L3MBTL4: variants seen among roughly 807,000 people sequenced by gnomAD.
L3MBTL4 encodes L3MBTL histone methyl-lysine binding protein 4, also known as lethal(3)malignant brain tumor-like protein 4.
Under a neutral mutation model 84.5 loss-of-function variants are expected in L3MBTL4, and 70 were observed. That is an observed-to-expected ratio of 0.83 (90% confidence interval 0.68 to 1.01). The LOEUF is 1.01. Among genes scored for constraint, L3MBTL4 ranks in the 50% least tolerant of loss-of-function variants. L3MBTL4 has a pLI of 0.00. For synonymous variants in L3MBTL4, 274 were observed against 259.8 expected (o/e 1.05, Z -0.52); for missense variants, 715 against 754.8 (o/e 0.95, Z 0.62).
At chr18:6,258,548 A>G (rs2048256816) in intron 5 of L3MBTL4, 1 of 152,346 alleles carries the variant, frequency 6.6e-6, no homozygotes, top group Non-Finnish European at 1.5e-5. Context: ...CAACAAAGGA[A>G]CTACAAGTCT....
chr18:6,312,890 A>C lies in L3MBTL4; in HGVS notation c.-90-834T>G, dbSNP rs570259161. Reference sequence around the variant, plus strand: ...AAAGCAAGGTTCCTGCTGCTTCTCCACTCCATACTTCTGCTGGTCCCTCAA... The same window carrying C: ...AAAGCAAGGTTCCTGCTGCTTCTCCCCTCCATACTTCTGCTGGTCCCTCAA... On this transcript the variant is annotated intron_variant, in intron 1 of 18. Coordinates refer to ENST00000317931, the MANE Select transcript of L3MBTL4 (RefSeq NM_001330559.2). 5.3e-5 allele frequency among the ~76,000 whole-genome samples: 8 copies of C among 151,888 alleles called. No individual in the cohort carries two copies. In the South Asian group the frequency reaches 1.7e-3, roughly 32 times the overall value.
intron 4 of L3MBTL4, among the ~76,000 whole-genome samples, chr18:6,287,975 C>T (rs2049675777): frequency 6.6e-6 from 1 of 152,134 alleles, no homozygotes; most frequent in Non-Finnish European, 1.5e-5. Flanking sequence ...CCCAGAAGGT[C>T]AAGGCTACAG....
chr18:6,070,134 A>C (rs929011393), intron 16 of L3MBTL4, among the ~76,000 whole-genome samples: 1 of 152,212 alleles, frequency 6.6e-6, no homozygotes, highest in Non-Finnish European at 1.5e-5. Flanking sequence ...ATGGAGCATA[A>C]ACAATATTTG....
intron 1 of L3MBTL4, among the ~76,000 whole-genome samples, chr18:6,328,925 T>C (rs2051868633): frequency 6.6e-6 from 1 of 152,154 alleles, no homozygotes; most frequent in African/African-American, 2.4e-5. Context: ...ATATATTATT[T>C]TTAAAAATTG....
intron 4 of L3MBTL4, among the ~76,000 whole-genome samples, chr18:6,293,937 A>G (rs74449414): frequency 7.0e-4 from 106 of 152,306 alleles, no homozygotes; most frequent in Middle Eastern, 3.4e-3. Flanking sequence ...AATGTGACAT[A>G]TGATTCTGAG....
At chr18:6,295,904 A>G (rs1815414257) in intron 4 of L3MBTL4, among the ~76,000 whole-genome samples, 1 of 152,186 alleles carries the variant, frequency 6.6e-6, no homozygotes, top group East Asian at 1.9e-4. Flanking sequence ...TGAACGGTTC[A>G]GCCTAAATAT....
chr18:6,094,412 C>A (rs187405376), intron 14 of L3MBTL4, among the ~76,000 whole-genome samples: 2 of 152,270 alleles, frequency 1.3e-5, no homozygotes, highest in Admixed American at 6.5e-5. Flanking sequence ...CAAAGGAGAT[C>A]CAACTCATAA....
intron 15 of L3MBTL4, among the ~76,000 whole-genome samples, chr18:6,091,724 T>C (rs1156308910): frequency 6.6e-6 from 1 of 151,748 alleles, no homozygotes; most frequent in Non-Finnish European, 1.5e-5. Context: ...AGAGCAATCA[T>C]TTTTTTTAAG....
chr18:6,072,881 A>AATAT (rs71163258), intron 16 of L3MBTL4, among the ~76,000 whole-genome samples: 27 of 20,426 alleles, frequency 1.3e-3, no homozygotes, highest in Non-Finnish European at 2.1e-3. Context: ...AAAAAAAAAA[A>AATAT]ATATATATAT....
chr18:5,988,862 G>C (rs191959437), intron 16 of L3MBTL4, among the ~76,000 whole-genome samples: 87 of 152,276 alleles, frequency 5.7e-4, no homozygotes, highest in African/African-American at 1.9e-3. Context: ...CCTGTCACCA[G>C]GGTTGAGACA....
intron 9 of L3MBTL4, among the ~76,000 whole-genome samples, chr18:6,239,440 C>G (rs1377394211): frequency 1.3e-5 from 2 of 149,716 alleles, no homozygotes; most frequent in African/African-American, 4.9e-5. Flanking sequence ...CACAGAAATG[C>G]TGTCCTCACA....
At chr18:6,304,021 A>C (rs577486526) in intron 3 of L3MBTL4, among the ~76,000 whole-genome samples, 59 of 143,964 alleles carry the variant, frequency 4.1e-4, no homozygotes, top group Non-Finnish European at 7.7e-5. Flanking sequence ...TCTCAAAAAA[A>C]AAAAAAAACA....
rs2049281809 is a variant in L3MBTL4 at position 6,280,642 on chromosome 18, C to T, written c.128-16604G>A. ...TAGAAACTGTGAATTCATTATCTGA[C>T]ATGGCAAAATAATTTTGCAGAGGTG... On this transcript the variant is annotated intron_variant, in intron 4 of 18. Coordinates refer to ENST00000317931, the MANE Select transcript of L3MBTL4 (RefSeq NM_001330559.2). Among the ~76,000 whole-genome samples, 3 of 152,190 alleles carry T rather than the reference C, an allele frequency of 2.0e-5. 1 individual carries two copies. Among genetic ancestry groups the T allele is most frequent in the South Asian group, 4.1e-4 (2 of 4,834 alleles).
At chr18:6,185,713 G>T (rs1034260838) in intron 12 of L3MBTL4, among the ~76,000 whole-genome samples, 1 of 152,136 alleles carries the variant, frequency 6.6e-6, no homozygotes, top group Non-Finnish European at 1.5e-5. Flanking sequence ...TTTAAAAAGT[G>T]GAGCAATAAG....
chr18:6,125,350 T>C (rs2059658312), intron 14 of L3MBTL4, among the ~76,000 whole-genome samples: 1 of 152,210 alleles, frequency 6.6e-6, no homozygotes, highest in Admixed American at 6.5e-5. Context: ...GGTTAAACTC[T>C]CTTATCAACA....
At chr18:6,342,099 A>G (rs114686316) in intron 1 of L3MBTL4, among the ~76,000 whole-genome samples, 2,712 of 152,318 alleles carry the variant, frequency 0.018, 72 homozygotes, top group African/African-American at 0.061. Flanking sequence ...GGAGTTCATC[A>G]TCACTAGATT....
At chr18:6,374,750 G>C (rs770933682) in intron 1 of L3MBTL4, among the ~76,000 whole-genome samples, 8 of 152,152 alleles carry the variant, frequency 5.3e-5, no homozygotes, top group Non-Finnish European at 1.2e-4. Flanking sequence ...CTCATCGTAA[G>C]AAAGCTGCCC....
chr18:6,142,246 C>T (rs1231547901), intron 13 of L3MBTL4, among the ~76,000 whole-genome samples: 1 of 152,174 alleles, frequency 6.6e-6, no homozygotes, highest in African/African-American at 2.4e-5. Flanking sequence ...CAGTATCTAG[C>T]CCAACACATA....
At chr18:5,988,844 A>G (rs1218121458) in intron 16 of L3MBTL4, among the ~76,000 whole-genome samples, 1 of 152,170 alleles carries the variant, frequency 6.6e-6, no homozygotes, top group Non-Finnish European at 1.5e-5. Flanking sequence ...TGGTAGTTTT[A>G]CAAGGTCCCT....
Sources: gnomAD v4.1 joint callset for allele counts (sites outside exome capture counted in the v4.1 genomes callset) on GRCh38, gnomAD v4.1.1 for gene constraint, MANE v1.5 for transcripts, NCBI Gene and HGNC (gene_info 2026-07-23, HGNC 2026-07-21) for gene names.